ZNF469: variants seen among roughly 807,000 people sequenced by gnomAD.
ZNF469 encodes the protein zinc finger protein 469.
Under a neutral mutation model 1.0 loss-of-function variants are expected in ZNF469, and 1 was observed. That is an observed-to-expected ratio of 1.00 (90% CI 0.35 to 4.73). The LOEUF is 4.73. ZNF469 is among the 30% of genes most tolerant of loss of function. The probability of loss-of-function intolerance (pLI) is 0.16; values close to 1 mark genes in which losing one functional copy is unlikely to be tolerated. For synonymous variants in ZNF469, 2,703 were observed against 2,363.4 expected (o/e 1.14, Z -4.17); for missense variants, 6,100 against 5,356.3 (o/e 1.14, Z -4.33).
chr16:88,376,921 C>T, the ZNF469 span, among the ~76,000 whole-genome samples: 2 of 152,206 alleles, frequency 1.3e-5, no homozygotes, highest in Admixed American at 1.3e-4. Context: ...CCCCGAGGCC[C>T]CCGAGGGCCC....
the ZNF469 span, among the ~76,000 whole-genome samples, chr16:88,359,886 A>G: frequency 5.9e-5 from 9 of 152,216 alleles, no homozygotes; most frequent in Non-Finnish European, 1.3e-4. Context: ...CCATCTTTCT[A>G]TCTATCAGTT....
the ZNF469 span, among the ~76,000 whole-genome samples, chr16:88,138,565 G>T: frequency 2.6e-5 from 4 of 152,176 alleles, no homozygotes; most frequent in Admixed American, 2.0e-4. Context: ...TAAACTTTAT[G>T]TGGCAGTGTC....
At chr16:88,328,804 A>G in the ZNF469 span, among the ~76,000 whole-genome samples, 1 of 152,186 alleles carries the variant, frequency 6.6e-6, no homozygotes, top group East Asian at 1.9e-4. Flanking sequence ...TGAGCACCAC[A>G]CAGGAACCAG....
At chr16:88,393,383 C>T (rs1192448361) in intron 1 of ZNF469, among the ~76,000 whole-genome samples, 1 of 152,224 alleles carries the variant, frequency 6.6e-6, no homozygotes, top group Non-Finnish European at 1.5e-5. Flanking sequence ...GAAAGGCTGT[C>T]CACACCAGCA....
chr16:88,327,499 C>A, the ZNF469 span, among the ~76,000 whole-genome samples: 1 of 152,158 alleles, frequency 6.6e-6, no homozygotes, highest in African/African-American at 2.4e-5. Flanking sequence ...TCTGCGGTTC[C>A]CAGGGCCAGC....
chr16:88,281,037 C>T, the ZNF469 span, among the ~76,000 whole-genome samples: 96 of 147,456 alleles, frequency 6.5e-4, no homozygotes, highest in Admixed American at 4.4e-3. Context: ...GCCATGCTGA[C>T]GCTTGGTCAG....
the ZNF469 span, among the ~76,000 whole-genome samples, chr16:88,156,079 A>G: frequency 2.0e-5 from 3 of 152,176 alleles, no homozygotes; most frequent in African/African-American, 7.2e-5. Flanking sequence ...TCTTTTGCCC[A>G]TATATTAATC....
chr16:88,408,075 TTGGTTTG>T (rs932274254), intron 1 of ZNF469, among the ~76,000 whole-genome samples: 1 of 152,250 alleles, frequency 6.6e-6, no homozygotes, highest in Admixed American at 6.5e-5. Flanking sequence ...TGTAAGCTTT[TTGGTTTG>T]TGGTTTGTGT....
chr16:88,118,437 G>T, the ZNF469 span, among the ~76,000 whole-genome samples: 15 of 152,216 alleles, frequency 9.9e-5, no homozygotes, highest in Admixed American at 1.3e-4. Context: ...AGTCTCAGCT[G>T]CTCGACCTGG....
the ZNF469 span, among the ~76,000 whole-genome samples, chr16:88,141,361 C>T: frequency 1.3e-5 from 2 of 150,006 alleles, no homozygotes; most frequent in South Asian, 2.1e-4. Flanking sequence ...GGGAAAGACG[C>T]CCTGGGAGGT....
At chr16:88,372,227 TCATCAC>T in the ZNF469 span, among the ~76,000 whole-genome samples, 2 of 127,404 alleles carry the variant, frequency 1.6e-5, no homozygotes, top group African/African-American at 2.8e-5. Context: ...ATCACCACTA[TCATCAC>T]CATCACCATC....
At chr16:88,135,748 G>GTTTTATTCTT in the ZNF469 span, among the ~76,000 whole-genome samples, 420 of 66,922 alleles carry the variant, frequency 6.3e-3, 157 homozygotes, top group Middle Eastern at 0.028. Flanking sequence ...AGCTGGCCAT[G>GTTTTATTCTT]TTTTTTTTTT....
chr16:88,166,556 C>T, the ZNF469 span, among the ~76,000 whole-genome samples: 5 of 152,196 alleles, frequency 3.3e-5, no homozygotes, highest in Non-Finnish European at 7.3e-5. This position sits in a 1 kb window ranked among gnomAD's most constrained non-coding sequence, Gnocchi z 4.5. Context: ...TCCCAGCCAT[C>T]CGTGTCCCTC....
the ZNF469 span, among the ~76,000 whole-genome samples, chr16:88,336,260 C>T: frequency 6.6e-6 from 1 of 150,968 alleles, no homozygotes; most frequent in South Asian, 2.1e-4. Flanking sequence ...GCCAATACCA[C>T]ACATGTTCAT....
the ZNF469 span, among the ~76,000 whole-genome samples, chr16:88,217,432 A>G: frequency 6.6e-6 from 1 of 152,030 alleles, no homozygotes; most frequent in African/African-American, 2.4e-5. Flanking sequence ...GACTGTGTTG[A>G]AATTTCTTTT....
At position 88,428,992 on chromosome 16, in the gene ZNF469, G is replaced by A. The variant is rs750005577; in HGVS notation, c.1522G>A (p.Ala508Thr). The A allele has an allele frequency of 1.4e-4, 218 of 1,549,106 alleles. No individual in the cohort carries two copies. In the Admixed American group the frequency reaches 2.7e-3, roughly 19 times the overall value. Residue 508 changes from alanine to threonine, a missense_variant, in exon 3 of 3, where the codon GCG becomes ACG. By Grantham distance (58) the Ala-to-Thr change is moderately conservative. Transcript: ENST00000565624. ...GATGCTGAGCCGGCTGCCTTTCCCCGCGGGGGGCCCCGAGTGGCAGGGGGG... is the reference window on the plus strand; with the variant it reads ...GATGCTGAGCCGGCTGCCTTTCCCCACGGGGGGCCCCGAGTGGCAGGGGGG... ...MEMLSRLPFP[A>T]GGPEWQGGSQ...
chr16:88,353,647 CT>C, the ZNF469 span, among the ~76,000 whole-genome samples: 1 of 152,208 alleles, frequency 6.6e-6, no homozygotes, highest in Non-Finnish European at 1.5e-5. Context: ...TGAACGGTGG[CT>C]CCCAACAACT....
the ZNF469 span, among the ~76,000 whole-genome samples, chr16:88,274,899 C>T: frequency 8.5e-5 from 13 of 152,202 alleles, no homozygotes; most frequent in African/African-American, 2.9e-4. Flanking sequence ...CAGCACTGGC[C>T]CCCAGGCAAC....
At chr16:88,164,265 A>G in the ZNF469 span, among the ~76,000 whole-genome samples, 1 of 147,226 alleles carries the variant, frequency 6.8e-6, no homozygotes, top group East Asian at 2.0e-4. Flanking sequence ...ATGGGTGGGC[A>G]GATATGTGGA....
Sources: gnomAD v4.1 joint callset for allele counts (sites outside exome capture counted in the v4.1 genomes callset) on GRCh38, gnomAD v4.1.1 for gene constraint, Gnocchi (gnomAD v3.1) non-coding constraint, MANE v1.5 for transcripts, NCBI Gene and HGNC (gene_info 2026-07-23, HGNC 2026-07-21) for gene names.